Variants in AGO2 observed in about 807,000 individuals in gnomAD.
AGO2 encodes protein argonaute-2.
Under a neutral mutation model 102.3 loss-of-function variants are expected in AGO2, and 5 were observed. The ratio of observed to expected loss-of-function variants is 0.05; its 90% CI spans 0.03 to 0.10. The LOEUF (loss-of-function observed/expected upper bound fraction) is 0.10, where lower values mean the gene tolerates loss of function less well. Among genes scored for constraint, AGO2 ranks in the 10% least tolerant of loss-of-function variants. The pLI is 1.00. For synonymous variants in AGO2, 449 were observed against 473.1 expected, an observed-to-expected ratio of 0.95 and a Z score of 0.66; for missense variants, 541 against 1,183.7, an observed-to-expected ratio of 0.46 and a Z score of 7.97.
intron 1 of AGO2, among the ~76,000 whole-genome samples, chr8:140,601,325 C>T (rs1012306152): frequency 2.6e-5 from 4 of 152,232 alleles, no homozygotes; most frequent in African/African-American, 9.6e-5. Context: ...TGCTGACTGG[C>T]TTGTTAAAAA....
chr8:140,559,011 G>C (rs1245326217), intron 6 of AGO2, among the ~76,000 whole-genome samples: 1 of 152,206 alleles, frequency 6.6e-6, no homozygotes, highest in Non-Finnish European at 1.5e-5. Flanking sequence ...TCTTGGAGTA[G>C]AAAGCAGGCT....
chr8:140,538,402 G>A (rs2072734274), intron 16 of AGO2, among the ~76,000 whole-genome samples: 1 of 152,196 alleles, frequency 6.6e-6, no homozygotes, highest in Non-Finnish European at 1.5e-5. Context: ...ATGTTATGCA[G>A]GTAGGACAAC....
chr8:140,602,893 C>G (rs575699756), intron 1 of AGO2, among the ~76,000 whole-genome samples: 19 of 152,316 alleles, frequency 1.2e-4, no homozygotes, highest in Admixed American at 1.2e-3. Context: ...TGAAGAGAGA[C>G]GAGCTCACAG....
rs1291131493 is a variant in AGO2, at chr8:140,595,863, AC to A, written c.23-10553del. ...TGTATATATTATATTTATATTATAT[AC>A]AATTGTATATTATATAATATATAAT... On this transcript the variant is annotated intron_variant, in intron 1 of 18. Coordinates refer to ENST00000220592, the MANE Select transcript of AGO2 (RefSeq NM_012154.5). Among the ~76,000 whole-genome samples the A allele has an allele frequency of 1.9e-3, 52 of 27,362 alleles. 11 individuals are homozygous for A. The highest frequency in any genetic ancestry group is 0.01 in the African/African-American group (49 of 4,758). 18.0% of individuals were successfully genotyped at this position (27,362 alleles called of 152,430 possible).
chr8:140,591,865 A>G (rs1456123750), intron 1 of AGO2: 4 of 152,286 alleles, frequency 2.6e-5, no homozygotes, highest in South Asian at 2.1e-4. Context: ...CAAGCCTGTA[A>G]TCTCAGCACT....
intron 1 of AGO2, among the ~76,000 whole-genome samples, chr8:140,624,133 T>C (rs1223610200): frequency 1.3e-5 from 2 of 152,112 alleles, no homozygotes; most frequent in African/African-American, 4.8e-5. Context: ...TCACACTGGC[T>C]TGCATGGGTG....
intron 1 of AGO2, among the ~76,000 whole-genome samples, chr8:140,595,770 T>C (rs1468296138): frequency 1.9e-5 from 2 of 107,690 alleles, no homozygotes; most frequent in African/African-American, 3.4e-5. Flanking sequence ...TACAATTATA[T>C]TATATACAAT....
chr8:140,552,080 G>A (rs1185480453), intron 10 of AGO2, among the ~76,000 whole-genome samples: 1 of 152,144 alleles, frequency 6.6e-6, no homozygotes, highest in Non-Finnish European at 1.5e-5. Flanking sequence ...GAAGAGAAGT[G>A]CCTTGCCATG....
chr8:140,578,107 A>G (rs13274321), intron 2 of AGO2, among the ~76,000 whole-genome samples: 47,855 of 151,962 alleles, frequency 0.31, 7,821 homozygotes, highest in African/African-American at 0.35. Flanking sequence ...CGCAGCCCCC[A>G]TGCCTCGGGG....
intron 3 of AGO2, among the ~76,000 whole-genome samples, chr8:140,564,623 T>C (rs574140177): frequency 1.3e-5 from 2 of 152,340 alleles, no homozygotes; most frequent in East Asian, 3.9e-4. Flanking sequence ...CTTAAATAAC[T>C]TTCCTCCAGC....
intron 1 of AGO2, among the ~76,000 whole-genome samples, chr8:140,597,353 T>C (rs1370827136): frequency 4.6e-5 from 7 of 152,066 alleles, no homozygotes; most frequent in African/African-American, 7.2e-5. Flanking sequence ...CAGGGCAGCG[T>C]GGGCAGCGGT....
At chr8:140,583,515 C>A (rs1285559320) in intron 2 of AGO2, among the ~76,000 whole-genome samples, 2 of 152,170 alleles carry the variant, frequency 1.3e-5, no homozygotes, top group African/African-American at 4.8e-5. Context: ...GGCCACAAAC[C>A]TGTACAGCAC....
At chr8:140,620,702 AC>A (rs755558600) in intron 1 of AGO2, among the ~76,000 whole-genome samples, 4 of 152,016 alleles carry the variant, frequency 2.6e-5, no homozygotes, top group Non-Finnish European at 5.9e-5. Flanking sequence ...CCCTGTCTCT[AC>A]AAAAAATACA....
rs759167253 is a variant in AGO2 at position 140,528,090 on chromosome 8, A to T, written c.*3954T>A. 3 of 152,226 alleles carry T rather than the reference A, an allele frequency of 2.0e-5. No individual in the cohort carries two copies. The highest frequency in any genetic ancestry group is 4.4e-5 in the Non-Finnish European group (3 of 68,038). 9.4% of individuals were successfully genotyped at this position (152,226 alleles called of 1,614,324 possible). ...ACTGAAAAACTGCCTTGTAAAAATA[A>T]AATTTAAACCACCCCGCAGATCAAT... is the stretch of plus-strand genomic sequence containing the variant. On this transcript the variant is annotated 3_prime_UTR_variant, in exon 19 of 19. Transcript: ENST00000220592. This position sits in a 1 kb window ranked among gnomAD's most constrained non-coding sequence, Gnocchi z 4.5.
chr8:140,623,975 G>A (rs1022859196), intron 1 of AGO2, among the ~76,000 whole-genome samples: 3 of 148,514 alleles, frequency 2.0e-5, no homozygotes, highest in Admixed American at 6.7e-5. Flanking sequence ...AGATGATCCC[G>A]GGGCAAGGAG....
rs965779696 is a variant in AGO2 at position 140,531,814 on chromosome 8, T to A, written c.*230A>T. ...CTGTTTTAATAAGCAGCTTATAGAT[T>A]TTAGCAAACCATATTTCCTATGACA... On this transcript the variant is annotated 3_prime_UTR_variant, in exon 19 of 19. Coordinates refer to ENST00000220592, the MANE Select transcript of AGO2 (RefSeq NM_012154.5). The A allele has an allele frequency of 1.1e-5, 5 of 459,826 alleles. No homozygotes were observed. Among genetic ancestry groups the A allele is most frequent in the African/African-American group, 9.8e-5 (5 of 51,150 alleles). 28.5% of individuals were successfully genotyped at this position (459,826 alleles called of 1,614,324 possible). A position where few individuals can be genotyped will look rare whatever the true frequency, so the allele number is the denominator to read the frequency against.
chr8:140,623,884 C>T (rs2074244519), intron 1 of AGO2, among the ~76,000 whole-genome samples: 1 of 152,042 alleles, frequency 6.6e-6, no homozygotes, highest in Admixed American at 6.5e-5. Flanking sequence ...AACTCTTAAA[C>T]AAAGAAATGA....
chr8:140,586,815 A>G (rs2073666039), intron 1 of AGO2, among the ~76,000 whole-genome samples: 1 of 152,106 alleles, frequency 6.6e-6, no homozygotes, highest in South Asian at 2.1e-4. Flanking sequence ...GCTCCCAGGA[A>G]ACGTCTAGGA....
At chr8:140,570,125 C>T (rs1049127771) in intron 3 of AGO2, among the ~76,000 whole-genome samples, 2 of 152,268 alleles carry the variant, frequency 1.3e-5, no homozygotes, top group Non-Finnish European at 2.9e-5. Flanking sequence ...AACCCCCAAA[C>T]CAGTGGGAGG....
Sources: allele counts gnomAD v4.1 joint callset (sites outside exome capture counted in the v4.1 genomes callset), GRCh38; gene constraint gnomAD v4.1.1; non-coding constraint Gnocchi (gnomAD v3.1); transcripts MANE v1.5; gene names NCBI Gene and HGNC (gene_info 2026-07-23, HGNC 2026-07-21).